TMEM178B: variants seen among roughly 807,000 people sequenced by gnomAD.
TMEM178B encodes transmembrane protein 178B.
A neutral mutation model predicts 31.0 loss-of-function variants in TMEM178B; 5 were observed. The observed-to-expected ratio is 0.16, with a 90% CI of 0.08 to 0.34. The LOEUF is 0.34. TMEM178B is among the 10% of genes least tolerant of loss of function. The probability of loss-of-function intolerance (pLI) is 1.00; values close to 1 mark genes in which losing one functional copy is unlikely to be tolerated. For missense variants in TMEM178B, 275 were observed against 400.3 expected, an observed-to-expected ratio of 0.69 and a Z score of 2.67; for synonymous variants, 164 against 164.0, an observed-to-expected ratio of 1.00 and a Z score of 0.00.
At chr7:141,163,846 G>A (rs1012435) in intron 1 of TMEM178B, among the ~76,000 whole-genome samples, 102,261 of 152,002 alleles carry the variant, frequency 0.67, 34,838 homozygotes, top group Middle Eastern at 0.72. Flanking sequence ...ATTTAGTGAA[G>A]AATGCAAAGG....
intron 2 of TMEM178B, among the ~76,000 whole-genome samples, chr7:141,282,751 T>G (rs1239607899): frequency 1.3e-5 from 2 of 152,196 alleles, no homozygotes; most frequent in African/African-American, 2.4e-5. Context: ...AGGACTGTAA[T>G]CAAGGCACAG....
At chr7:141,295,705 G>A (rs1798619787) in intron 2 of TMEM178B, among the ~76,000 whole-genome samples, 1 of 150,600 alleles carries the variant, frequency 6.6e-6, no homozygotes, top group African/African-American at 2.4e-5. Context: ...ACTTTATCTT[G>A]TATCAAGAGA....
intron 2 of TMEM178B, among the ~76,000 whole-genome samples, chr7:141,250,719 C>T (rs1462366890): frequency 6.6e-6 from 1 of 152,206 alleles, no homozygotes; most frequent in Non-Finnish European, 1.5e-5. Context: ...GTTCTTCTCT[C>T]ATCCCCCCTT....
chr7:141,261,916 C>T (rs1798020320), intron 2 of TMEM178B, among the ~76,000 whole-genome samples: 1 of 152,130 alleles, frequency 6.6e-6, no homozygotes, highest in African/African-American at 2.4e-5. Flanking sequence ...TTGCTAGGCT[C>T]CTGTTTCCAA....
intron 2 of TMEM178B, among the ~76,000 whole-genome samples, chr7:141,303,455 T>C (rs1359114450): frequency 1.3e-5 from 2 of 152,228 alleles, no homozygotes; most frequent in Non-Finnish European, 2.9e-5. Flanking sequence ...TGGCTTCACA[T>C]TGACAGCCAG....
At chr7:141,349,812 A>C (rs77941168) in intron 2 of TMEM178B, among the ~76,000 whole-genome samples, 5 of 152,216 alleles carry the variant, frequency 3.3e-5, no homozygotes, top group Non-Finnish European at 7.3e-5. Flanking sequence ...AGAACAAGGC[A>C]GAGCCAGGGC....
Position 141,185,835 on chromosome 7 carries a change from TC to T in TMEM178B, c.383-26755del, listed in dbSNP as rs900748839. Among the ~76,000 whole-genome samples the T allele has an allele frequency of 8.0e-4, 122 of 152,090 alleles. 4 individuals are homozygous for T. Among genetic ancestry groups the T allele is most frequent in the Non-Finnish European group, 1.3e-4 (9 of 68,040 alleles). On this transcript the variant is annotated intron_variant, in intron 1 of 3. Transcript: ENST00000565468. ...TCCCTTCCCCCTTTCCATATCACAG[TC>T]ATGGCTTAGGCTGTTAAGATGTTGC...
chr7:141,442,052 A>G (rs1801670144), intron 3 of TMEM178B, among the ~76,000 whole-genome samples: 1 of 152,212 alleles, frequency 6.6e-6, no homozygotes, highest in African/African-American at 2.4e-5. Context: ...AGTGACATTC[A>G]GAAGCTCAGG....
intron 2 of TMEM178B, among the ~76,000 whole-genome samples, chr7:141,261,182 T>G (rs1798006161): frequency 6.6e-6 from 1 of 152,200 alleles, no homozygotes; most frequent in African/African-American, 2.4e-5. Flanking sequence ...CCATTTTGTT[T>G]GGGGCACAAA....
intron 1 of TMEM178B, among the ~76,000 whole-genome samples, chr7:141,113,967 T>C (rs1795277047): frequency 6.6e-6 from 1 of 152,240 alleles, no homozygotes; most frequent in African/African-American, 2.4e-5. Context: ...GGTTATCTAT[T>C]GTCTTGCTAT....
intron 1 of TMEM178B, among the ~76,000 whole-genome samples, chr7:141,089,718 G>C (rs1794847990): frequency 6.6e-6 from 1 of 152,168 alleles, no homozygotes; most frequent in Admixed American, 6.6e-5. Flanking sequence ...TAGGGACATG[G>C]ATGAAGCTGG....
Position 141,377,159 on chromosome 7 carries a change from GTATTTATTTATT to G in TMEM178B, c.497-60419_497-60408del, listed in dbSNP as rs199852618. On this transcript the variant is annotated intron_variant, in intron 2 of 3. Coordinates refer to ENST00000565468, the MANE Select transcript of TMEM178B (RefSeq NM_001195278.2). ...TCTGTAATCCATGGGGGCTACTTCTGTATTTATTTATTTATTTATTTATTTATTTATTTATTT... is the reference window on the plus strand; with the variant it reads ...TCTGTAATCCATGGGGGCTACTTCTGTATTTATTTATTTATTTATTTATTT... Among the ~76,000 whole-genome samples the G allele has an allele frequency of 4.2e-4, 61 of 145,260 alleles. 1 individual carries two copies. The highest frequency in any genetic ancestry group is 2.1e-3 in the East Asian group (10 of 4,870).
chr7:141,510,418 G>A, the TMEM178B span, among the ~76,000 whole-genome samples: 2 of 152,066 alleles, frequency 1.3e-5, no homozygotes, highest in African/African-American at 2.4e-5. Flanking sequence ...GGGCGCGGTG[G>A]CTCATGCCTG....
chr7:141,335,706 A>G (rs566063302), intron 2 of TMEM178B, among the ~76,000 whole-genome samples: 1 of 152,258 alleles, frequency 6.6e-6, no homozygotes, highest in South Asian at 2.1e-4. Flanking sequence ...TTGGCATCAC[A>G]GATGTGTTCA....
At chr7:141,336,946 C>G (rs1799410068) in intron 2 of TMEM178B, among the ~76,000 whole-genome samples, 1 of 125,380 alleles carries the variant, frequency 8.0e-6, no homozygotes, top group African/African-American at 3.3e-5. Context: ...CCACCACCAT[C>G]ACCACCACCA....
chr7:141,074,143 C>A lies in TMEM178B; in HGVS notation c.-168C>A. On this transcript the variant is annotated 5_prime_UTR_variant, in exon 1 of 4. Transcript: ENST00000565468. This position sits in a 1 kb window ranked among gnomAD's most constrained non-coding sequence, Gnocchi z 5.1. ...TTTAGGCCGCCCGCCCCCATCCCCGCAGTCCCCGGGCCGTGCTCCGGTAGG... is the reference window on the plus strand; with the variant it reads ...TTTAGGCCGCCCGCCCCCATCCCCGAAGTCCCCGGGCCGTGCTCCGGTAGG... 1 of 999,588 alleles carries A rather than the reference C, an allele frequency of 1.0e-6. No individual in the cohort carries two copies. 61.9% of individuals were successfully genotyped at this position (999,588 alleles called of 1,614,324 possible).
the TMEM178B span, among the ~76,000 whole-genome samples, chr7:141,489,005 A>C: frequency 1.3e-5 from 2 of 152,160 alleles, no homozygotes; most frequent in Non-Finnish European, 2.9e-5. Context: ...AGAAGTAAGA[A>C]GTAGGGGGCA....
intron 2 of TMEM178B, among the ~76,000 whole-genome samples, chr7:141,394,170 G>A (rs895045584): frequency 2.0e-5 from 3 of 152,114 alleles, no homozygotes; most frequent in Non-Finnish European, 2.9e-5. Flanking sequence ...AATCACAGCC[G>A]TGCCCTCTGC....
At chr7:141,507,924 G>A in the TMEM178B span, among the ~76,000 whole-genome samples, 1 of 152,336 alleles carries the variant, frequency 6.6e-6, no homozygotes, top group South Asian at 2.1e-4. Context: ...TGCCGTGAAG[G>A]TCTGACATGG....
Sources: gnomAD v4.1 joint callset for allele counts (sites outside exome capture counted in the v4.1 genomes callset) on GRCh38, gnomAD v4.1.1 for gene constraint, Gnocchi (gnomAD v3.1) non-coding constraint, MANE v1.5 for transcripts, NCBI Gene and HGNC (gene_info 2026-07-23, HGNC 2026-07-21) for gene names.